Variants in SLC25A21 observed in about 807,000 individuals in gnomAD.
SLC25A21 encodes solute carrier family 25 member 21.
In SLC25A21, 47 loss-of-function variants were observed where a neutral mutation model predicts 43.8. That is an observed-to-expected ratio of 1.07 (90% CI 0.85 to 1.37). SLC25A21 has a LOEUF of 1.37. Among genes scored for constraint, SLC25A21 ranks in the 40% most tolerant of loss-of-function variants. SLC25A21 has a pLI of 0.00. For synonymous variants in SLC25A21, 131 were observed against 121.3 expected (o/e 1.08, Z -0.52); for missense variants, 352 against 350.2 (o/e 1.00, Z -0.04).
At chr14:36,738,971 T>C (rs1057098186) in intron 3 of SLC25A21, among the ~76,000 whole-genome samples, 1 of 152,212 alleles carries the variant, frequency 6.6e-6, no homozygotes, top group Admixed American at 6.5e-5. Context: ...TTTTCCTCAT[T>C]TTGCTGGTGA....
intron 3 of SLC25A21, among the ~76,000 whole-genome samples, chr14:36,746,425 A>G (rs751480651): frequency 5.3e-5 from 8 of 152,128 alleles, no homozygotes; most frequent in Non-Finnish European, 8.8e-5. Flanking sequence ...AGAGTGTAGA[A>G]TAACAGATTT....
At chr14:36,769,428 G>C (rs549373833) in intron 3 of SLC25A21, among the ~76,000 whole-genome samples, 1 of 152,310 alleles carries the variant, frequency 6.6e-6, no homozygotes, top group South Asian at 2.1e-4. Context: ...AGTTTTGAAG[G>C]TGGTTCAGAA....
Position 36,966,020 on chromosome 14 carries a change from T to C in SLC25A21, c.71-91016A>G, listed in dbSNP as rs1032483607. Among the ~76,000 whole-genome samples, 25 of 152,244 alleles carry C rather than the reference T, an allele frequency of 1.6e-4. No homozygotes were observed. The South Asian group carries it at 3.3e-3, about 20-fold the overall frequency. ...TAAATATATACAGCTACTATGTACC[T>C]ACAAAATTAAAAGTTTTTAAAAATT... On this transcript the variant is annotated intron_variant, in intron 1 of 9. Transcript: ENST00000331299.
At chr14:36,713,171 T>G (rs1594515130) in intron 6 of SLC25A21, among the ~76,000 whole-genome samples, 1 of 152,192 alleles carries the variant, frequency 6.6e-6, no homozygotes, top group Non-Finnish European at 1.5e-5. Flanking sequence ...CGAGGCCATC[T>G]AAGTTTTAGA....
chr14:36,894,647 G>A (rs1259799261), intron 1 of SLC25A21, among the ~76,000 whole-genome samples: 1 of 152,050 alleles, frequency 6.6e-6, no homozygotes, highest in Non-Finnish European at 1.5e-5. Flanking sequence ...TCCAGTTTTT[G>A]CCCATTCAGT....
chr14:36,708,624 A>T, intron 7 of SLC25A21, among the ~76,000 whole-genome samples: 1 of 152,124 alleles, frequency 6.6e-6, no homozygotes, highest in East Asian at 1.9e-4. Context: ...TTTTGTAGAG[A>T]CAGGGTCTCA....
At chr14:36,715,824 C>A (rs1884103884) in intron 6 of SLC25A21, among the ~76,000 whole-genome samples, 1 of 152,176 alleles carries the variant, frequency 6.6e-6, no homozygotes, top group South Asian at 2.1e-4. Context: ...CTGGGCACAG[C>A]AGCTCATACC....
At chr14:36,973,069 G>A (rs1403500010) in intron 1 of SLC25A21, among the ~76,000 whole-genome samples, 2 of 149,168 alleles carry the variant, frequency 1.3e-5, no homozygotes, top group East Asian at 3.9e-4. Flanking sequence ...GTAGAAATAG[G>A]GTCTTGCTAT....
chr14:36,833,154 T>C (rs927373348), intron 2 of SLC25A21, among the ~76,000 whole-genome samples: 2 of 152,114 alleles, frequency 1.3e-5, no homozygotes, highest in African/African-American at 4.8e-5. Context: ...TCAAAGTAAA[T>C]ACACAGCACT....
At chr14:36,965,016 A>C (rs1959580979) in intron 1 of SLC25A21, among the ~76,000 whole-genome samples, 1 of 152,046 alleles carries the variant, frequency 6.6e-6, no homozygotes, top group Admixed American at 6.5e-5. Flanking sequence ...TTGCCTTTAA[A>C]TTTTCTATTC....
chr14:36,912,117 AACAG>A (rs1368628838), intron 1 of SLC25A21, among the ~76,000 whole-genome samples: 3 of 152,208 alleles, frequency 2.0e-5, no homozygotes, highest in Admixed American at 2.0e-4. Context: ...ATTAAAAACT[AACAG>A]ACTGCCTATC....
intron 1 of SLC25A21, among the ~76,000 whole-genome samples, chr14:37,125,547 T>C (rs970325329): frequency 6.6e-6 from 1 of 152,198 alleles, no homozygotes; most frequent in Non-Finnish European, 1.5e-5. Context: ...GTTTAAAAAA[T>C]GACTAAAGTA....
At chr14:36,710,343 A>T (rs1484195708) in intron 7 of SLC25A21, among the ~76,000 whole-genome samples, 1 of 152,006 alleles carries the variant, frequency 6.6e-6, no homozygotes, top group African/African-American at 2.4e-5. Context: ...ATTGTACTCC[A>T]GCCTGGGTGA....
At chr14:36,684,699 A>T (rs1471542240) in intron 8 of SLC25A21, 45 bp downstream of exon 8, 2 of 1,541,208 alleles carry the variant, frequency 1.3e-6, no homozygotes, top group East Asian at 4.5e-5. Flanking sequence ...TTCTAACAAT[A>T]CGTGAGCCTC....
At chr14:36,955,834 GAA>G (rs895299366) in intron 1 of SLC25A21, among the ~76,000 whole-genome samples, 3 of 152,114 alleles carry the variant, frequency 2.0e-5, no homozygotes, top group African/African-American at 7.2e-5. Context: ...GTGGGACATA[GAA>G]AACAGTTTCC....
intron 1 of SLC25A21, among the ~76,000 whole-genome samples, chr14:37,144,504 T>C (rs964029372): frequency 3.3e-5 from 5 of 152,264 alleles, no homozygotes; most frequent in South Asian, 2.1e-4. Flanking sequence ...CTGTGGAATA[T>C]TGGAAAGGAA....
chr14:36,928,597 T>C (rs1892198534), intron 1 of SLC25A21, among the ~76,000 whole-genome samples: 1 of 152,202 alleles, frequency 6.6e-6, no homozygotes, highest in African/African-American at 2.4e-5. Flanking sequence ...TGAGTGCATA[T>C]GTGTATTGTA....
intron 1 of SLC25A21, among the ~76,000 whole-genome samples, chr14:37,133,687 C>A (rs545587302): frequency 2.0e-5 from 3 of 151,978 alleles, no homozygotes; most frequent in African/African-American, 7.2e-5. Context: ...TTACTGTTCC[C>A]TGTCTCCTTC....
At chr14:36,844,298 AAG>A (rs1456792019) in intron 2 of SLC25A21, among the ~76,000 whole-genome samples, 1 of 152,180 alleles carries the variant, frequency 6.6e-6, no homozygotes, top group Non-Finnish European at 1.5e-5. Flanking sequence ...TTACAGAAAT[AAG>A]AGTGAAATTG....
Sources: gnomAD v4.1 joint callset for allele counts (sites outside exome capture counted in the v4.1 genomes callset) on GRCh38, gnomAD v4.1.1 for gene constraint, MANE v1.5 for transcripts, NCBI Gene and HGNC (gene_info 2026-07-23, HGNC 2026-07-21) for gene names.